CHKA: variants seen among roughly 807,000 people sequenced by gnomAD.
The protein encoded by CHKA is choline kinase alpha, also known as CHETK-alpha.
CHKA carries 34 observed loss-of-function variants against 60.1 expected under a neutral mutation model. The ratio of observed to expected loss-of-function variants is 0.57; its 90% confidence interval spans 0.43 to 0.75. CHKA has a LOEUF of 0.75. CHKA is among the 30% of genes least tolerant of loss of function. The pLI, the probability that CHKA is intolerant of heterozygous loss-of-function variation, is 0.00. For synonymous variants in CHKA, 217 were observed against 223.1 expected (o/e 0.97, Z 0.24); for missense variants, 563 against 561.3 (o/e 1.00, Z -0.03).
At chr11:68,096,139 G>A (rs1428021569) in intron 2 of CHKA, among the ~76,000 whole-genome samples, 1 of 149,466 alleles carries the variant, frequency 6.7e-6, no homozygotes, top group African/African-American at 2.5e-5. Context: ...CACGGCGGGT[G>A]GATCACTTGA....
At chr11:68,091,151 G>A (rs977345203) in intron 2 of CHKA, among the ~76,000 whole-genome samples, 20 of 152,124 alleles carry the variant, frequency 1.3e-4, no homozygotes, top group African/African-American at 3.6e-4. Context: ...ATACATTTAC[G>A]CTCTCTTCTA....
intron 3 of CHKA, among the ~76,000 whole-genome samples, chr11:68,079,476 C>T (rs1230106544): frequency 6.6e-6 from 1 of 152,076 alleles, no homozygotes; most frequent in Admixed American, 6.5e-5. Flanking sequence ...ACTACAGGCG[C>T]CCGCCACCAC....
intron 5 of CHKA, 66 bp downstream of exon 5, chr11:68,070,658 A>T: frequency 1.3e-6 from 2 of 1,544,886 alleles, no homozygotes; most frequent in Non-Finnish European, 1.8e-6. Context: ...ACAAATGCTC[A>T]CTTATGGTAC....
chr11:68,081,436 A>T lies in CHKA; in HGVS notation c.484T>A (p.Ser162Thr). 2 of 1,613,602 alleles carry T rather than the reference A, an allele frequency of 1.2e-6. No homozygotes were observed. The highest frequency in any genetic ancestry group is 1.7e-5 in the Admixed American group (1 of 60,024). The change falls in exon 3 of 12, where the codon TCC becomes ACC. Residue 162 changes from serine (S) to threonine (T), a missense_variant. Transcript: ENST00000265689. ...TCATTTTCTTTCTGAGCTTGTTCGG[A>T]TCCCTCTTTATTACAGGACCTCTAT... ...LQMRSCNKEG[S>T]EQAQKENEFQ...
chr11:68,115,284 C>A (rs1162144324), intron 1 of CHKA, among the ~76,000 whole-genome samples: 1 of 152,120 alleles, frequency 6.6e-6, no homozygotes, highest in Non-Finnish European at 1.5e-5. Context: ...TTGAAGTAAG[C>A]TCATCATGTA....
At chr11:68,095,463 C>A (rs1157736467) in intron 2 of CHKA, among the ~76,000 whole-genome samples, 2 of 139,484 alleles carry the variant, frequency 1.4e-5, no homozygotes, top group African/African-American at 5.4e-5. Flanking sequence ...ATAATCCCAG[C>A]ACTTTGGAGG....
At chr11:68,115,615 G>A (rs996344878) in intron 1 of CHKA, among the ~76,000 whole-genome samples, 15 of 152,102 alleles carry the variant, frequency 9.9e-5, no homozygotes, top group African/African-American at 3.4e-4. Flanking sequence ...TGAGGCAGGA[G>A]GGACCACTTG....
intron 1 of CHKA, among the ~76,000 whole-genome samples, chr11:68,112,712 T>C (rs531165750): frequency 2.0e-5 from 3 of 152,254 alleles, no homozygotes; most frequent in South Asian, 2.1e-4. Flanking sequence ...AAAGACACAT[T>C]TGATAAAGGA....
At chr11:68,083,682 A>G (rs188419371) in intron 2 of CHKA, among the ~76,000 whole-genome samples, 5 of 152,192 alleles carry the variant, frequency 3.3e-5, no homozygotes, top group Admixed American at 3.3e-4. Flanking sequence ...TATTGGCACT[A>G]TAAGTGGTAG....
Position 68,121,308 on chromosome 11 carries a change from C to A in CHKA, c.-131G>T, listed in dbSNP as rs1356256095. On this transcript the variant is annotated 5_prime_UTR_variant, in exon 1 of 12. Coordinates refer to ENST00000265689, the MANE Select transcript of CHKA (RefSeq NM_001277.3). ...GGCAGGGGGCCGCGGCGGTTGGGCGCGCGGGGCGGCGGCGGCGGCTGCGGC... is the reference window on the plus strand; with the variant it reads ...GGCAGGGGGCCGCGGCGGTTGGGCGAGCGGGGCGGCGGCGGCGGCTGCGGC... 29 of 566,472 alleles carry A rather than the reference C, an allele frequency of 5.1e-5. No homozygotes were observed. Among genetic ancestry groups the A allele is most frequent in the Middle Eastern group, 8.5e-4 (1 of 1,176 alleles). The allele number at this position is 566,472 out of a possible 1,614,324, so 35.1% of individuals were successfully genotyped here. A position where few individuals can be genotyped will look rare whatever the true frequency, so the allele number is the denominator to read the frequency against.
chr11:68,070,776 T>A lies in CHKA; in HGVS notation c.712A>T (p.Met238Leu). The A allele has an allele frequency of 6.2e-7, 1 of 1,613,550 alleles. No homozygotes were observed. The highest frequency in any genetic ancestry group is 8.5e-7 in the Non-Finnish European group (1 of 1,179,482). The change falls in exon 5 of 12, where the codon ATG (methionine) becomes TTG (leucine). Residue 238 changes from methionine to leucine, a missense_variant. By Grantham distance (15) the Met-to-Leu change is conservative (BLOSUM62 2). Coordinates refer to ENST00000265689, the MANE Select transcript of CHKA (RefSeq NM_001277.3). ...GGTTCCTTATTGAATGGCATTTTCA[T>A]ACCATGAAATGTAGCCATTTTCTCG... ...IAEKMATFHG[M>L]KMPFNKEPKW...
intron 2 of CHKA, among the ~76,000 whole-genome samples, chr11:68,095,485 G>A (rs1474422505): frequency 4.3e-5 from 6 of 139,310 alleles, no homozygotes; most frequent in South Asian, 2.3e-4. Flanking sequence ...CAAGGTGGAC[G>A]GATCACGAGG....
At position 68,121,293 on chromosome 11, in the gene CHKA, CGCGGCGGTTGGGCGCGCGGGGCGGCG is replaced by C. The variant is rs1858641812; in HGVS notation, c.-142_-117del. ...CTGGCAGGCCGGCGGGGCAGGGGGC[CGCGGCGGTTGGGCGCGCGGGGCGGCG>C]GCGGCGGCTGCGGCGACTGCGGCGA... is the stretch of plus-strand genomic sequence containing the variant. On this transcript the variant is annotated 5_prime_UTR_variant, in exon 1 of 12. Coordinates refer to ENST00000265689, the MANE Select transcript of CHKA (RefSeq NM_001277.3). 2.3e-6 allele frequency: 2 copies of C among 873,446 alleles called. No homozygotes were observed. The highest frequency in any genetic ancestry group is 2.8e-6 in the Non-Finnish European group (2 of 716,998). The allele number at this position is 873,446 out of a possible 1,614,324, so 54.1% of individuals were successfully genotyped here. A position where few individuals can be genotyped will look rare whatever the true frequency, so the allele number is the denominator to read the frequency against.
intron 11 of CHKA, among the ~76,000 whole-genome samples, chr11:68,058,710 T>C (rs1856115207): frequency 6.6e-6 from 1 of 152,138 alleles, no homozygotes; most frequent in Non-Finnish European, 1.5e-5. Flanking sequence ...AAAGGCAGTG[T>C]TTCTTCTTCC....
chr11:68,079,882 G>A (rs867497441), intron 3 of CHKA, among the ~76,000 whole-genome samples: 5 of 152,214 alleles, frequency 3.3e-5, no homozygotes, highest in Middle Eastern at 3.4e-3. Context: ...GAGGGAGACA[G>A]GACAACATGA....
At chr11:68,098,671 A>C (rs1857594119) in intron 1 of CHKA, among the ~76,000 whole-genome samples, 1 of 152,060 alleles carries the variant, frequency 6.6e-6, no homozygotes, top group Admixed American at 6.6e-5. Context: ...TGCTTATTTT[A>C]CCACAATTTT....
intron 1 of CHKA, among the ~76,000 whole-genome samples, chr11:68,099,623 A>G (rs971506702): frequency 6.6e-6 from 1 of 151,944 alleles, no homozygotes; most frequent in Non-Finnish European, 1.5e-5. Context: ...AAGCAGCCTT[A>G]ACCTTTCTGT....
chr11:68,054,195 C>T, intron 11 of CHKA, 148 bp from the exon 12 acceptor site: 1 of 641,738 alleles, frequency 1.6e-6, no homozygotes, highest in Non-Finnish European at 2.8e-6. Context: ...AGCAGGGCTG[C>T]TCGGGGGCCT....
chr11:68,070,016 T>C (rs1367604249), intron 6 of CHKA, among the ~76,000 whole-genome samples, 173 bp downstream of exon 6: 2 of 152,212 alleles, frequency 1.3e-5, no homozygotes, highest in African/African-American at 4.8e-5. Flanking sequence ...ATAGAGTCCA[T>C]AATCTCTAGT....
Sources: allele counts gnomAD v4.1 joint callset (sites outside exome capture counted in the v4.1 genomes callset), GRCh38; gene constraint gnomAD v4.1.1; transcripts MANE v1.5; gene names NCBI Gene and HGNC (gene_info 2026-07-23, HGNC 2026-07-21).